Variants in RDH16 observed in about 807,000 individuals in gnomAD.
RDH16 encodes the protein retinol dehydrogenase 16, also known as human epidermal retinol dehydrogenase.
Under a neutral mutation model 22.3 loss-of-function variants are expected in RDH16, and 25 were observed. That is an observed-to-expected ratio of 1.12 (90% CI 0.82 to 1.56). The LOEUF (loss-of-function observed/expected upper bound fraction) is 1.56, where lower values mean the gene tolerates loss of function less well. Among genes scored for constraint, RDH16 ranks in the 40% most tolerant of loss-of-function variants. RDH16 has a pLI of 0.00. For missense variants in RDH16, 413 were observed against 394.9 expected, an observed-to-expected ratio of 1.05 and a Z score of -0.39; for synonymous variants, 154 against 164.4, an observed-to-expected ratio of 0.94 and a Z score of 0.48.
chr12:56,957,018 G>C (rs1258165968), intron 1 of RDH16, 132 bp downstream of exon 1: 2 of 919,030 alleles, frequency 2.2e-6, no homozygotes, highest in Non-Finnish European at 3.3e-6. Flanking sequence ...CCTGTTAAGT[G>C]AGAAATATTA....
Position 56,952,226 on chromosome 12 carries a change from T to C in RDH16, c.757A>G (p.Met253Val), listed in dbSNP as rs140730069. ...VADYKKSAEQ[M>V]EQKCTQDLSL... ...AGATCCTGTGTGCACTTCTGCTCCA[T>C]TTGTTCAGCTGATTTCTTATCTGTT... The change falls in exon 4 of 4, where the codon ATG becomes GTG. Residue 253 changes from methionine (M) to valine (V), a missense_variant. Transcript: ENST00000398138. The C allele has an allele frequency of 1.5e-3, 2,406 of 1,614,060 alleles. 8 individuals are homozygous for C. The highest frequency in any genetic ancestry group is 1.9e-3 in the Non-Finnish European group (2,195 of 1,179,952).
At chr12:56,953,165 C>T (rs947499015) in intron 2 of RDH16, among the ~76,000 whole-genome samples, 175 bp from the exon 3 acceptor site, 1 of 152,206 alleles carries the variant, frequency 6.6e-6, no homozygotes, top group Non-Finnish European at 1.5e-5. Context: ...GGCATTCCCT[C>T]TGTATGGAGT....
chr12:56,951,955 T>G lies in RDH16; in HGVS notation c.*74A>C. ...ACCGGACGGCTCCCTCCCTCCACTT[T>G]ATATCTCTCCCAAGGATACACCACC... On this transcript the variant is annotated 3_prime_UTR_variant, in exon 4 of 4. Coordinates refer to ENST00000398138, the MANE Select transcript of RDH16 (RefSeq NM_003708.5). 7.3e-7 allele frequency: 1 copy of G among 1,375,914 alleles called. No individual in the cohort carries two copies. Among genetic ancestry groups the G allele is most frequent in the Non-Finnish European group, 1.0e-6 (1 of 977,080 alleles). 85.2% of individuals were successfully genotyped at this position (1,375,914 alleles called of 1,614,324 possible).
rs1955882010 is a variant in RDH16, at chr12:56,951,874, T to C, written c.*155A>G. 1 of 636,612 alleles carries C rather than the reference T, an allele frequency of 1.6e-6. No homozygotes were observed. Among genetic ancestry groups the C allele is most frequent in the Non-Finnish European group, 2.8e-6 (1 of 362,018 alleles). 39.4% of individuals were successfully genotyped at this position (636,612 alleles called of 1,614,324 possible). On this transcript the variant is annotated 3_prime_UTR_variant, in exon 4 of 4. Transcript: ENST00000398138. ...AACATCTCCAGAGAGCAGAATTATC[T>C]CCCAGGAGAATCATGGCCAGGAGGT...
chr12:56,953,296 C>T (rs930125710), intron 2 of RDH16, among the ~76,000 whole-genome samples: 1 of 152,194 alleles, frequency 6.6e-6, no homozygotes, highest in Admixed American at 6.5e-5. Context: ...AGAATTCCCA[C>T]ATTTTGCCTC....
chr12:56,952,105 G>T lies in RDH16; in HGVS notation c.878C>A (p.Pro293His). The T allele has an allele frequency of 8.7e-6, 14 of 1,614,214 alleles. No homozygotes were observed. Among genetic ancestry groups the T allele is most frequent in the Non-Finnish European group, 1.0e-5 (12 of 1,180,052 alleles). ...AGWDAKLLYL[P>H]MSYMPTFLVD... is the part of the protein sequence containing the mutation. ...CAGGAAGGTGGGCATGTAGCTCATG[G>T]GGAGGTAGAGAAGCTTGGCATCCCA... Residue 293 changes from proline to histidine, a missense_variant, in exon 4 of 4, where the codon CCC becomes CAC. Coordinates refer to ENST00000398138, the MANE Select transcript of RDH16 (RefSeq NM_003708.5).
At chr12:56,954,122 C>A (rs1208044619) in intron 2 of RDH16, among the ~76,000 whole-genome samples, 5 of 152,186 alleles carry the variant, frequency 3.3e-5, no homozygotes, top group Non-Finnish European at 7.3e-5. Context: ...CATTTCTCTC[C>A]CTAGAGAGGA....
At chr12:56,954,739 T>C (rs575284581) in intron 2 of RDH16, among the ~76,000 whole-genome samples, 167 bp downstream of exon 2, 2 of 152,284 alleles carry the variant, frequency 1.3e-5, no homozygotes, top group African/African-American at 4.8e-5. Flanking sequence ...TCCCAGTGAA[T>C]GGCCAGCCCA....
At chr12:56,954,503 G>A (rs1592432006) in intron 2 of RDH16, among the ~76,000 whole-genome samples, 1 of 152,184 alleles carries the variant, frequency 6.6e-6, no homozygotes, top group South Asian at 2.1e-4. Context: ...GGGAAGAAGT[G>A]TTTAGGGTCC....
intron 1 of RDH16, among the ~76,000 whole-genome samples, chr12:56,956,783 C>G (rs938402491): frequency 4.6e-5 from 7 of 152,160 alleles, no homozygotes; most frequent in African/African-American, 1.7e-4. Flanking sequence ...AGCCTCCGTG[C>G]ACACTTGCAG....
chr12:56,956,928 T>G (rs1955933635), intron 1 of RDH16, among the ~76,000 whole-genome samples: 2 of 152,050 alleles, frequency 1.3e-5, no homozygotes, highest in South Asian at 2.1e-4. Flanking sequence ...GAAAATCTCA[T>G]CAGGGCAAAC....
chr12:56,955,282 A>T (rs552208658), intron 1 of RDH16, 118 bp from the exon 2 acceptor site: 2 of 1,254,348 alleles, frequency 1.6e-6, no homozygotes, highest in African/African-American at 3.0e-5. Flanking sequence ...TGGGATGGGG[A>T]GGAGGGTATA....
Position 56,952,126 on chromosome 12 carries a change from T to A in RDH16, c.857A>T (p.Asp286Val), listed in dbSNP as rs757278655. The change falls in exon 4 of 4, where the codon GAT becomes GTT. Residue 286 changes from aspartate (D) to valine (V), a missense_variant. Transcript: ENST00000398138. ...HPRTRYSAGWDAKLLYLPMSY... is the reference protein window; with the variant it reads ...HPRTRYSAGWVAKLLYLPMSY... Reference sequence around the variant, plus strand: ...CATGGGGAGGTAGAGAAGCTTGGCATCCCAGCCAGCTGAGTAGCGAGTACG... The same window carrying A: ...CATGGGGAGGTAGAGAAGCTTGGCAACCCAGCCAGCTGAGTAGCGAGTACG... 1 of 1,614,110 alleles carries A rather than the reference T, an allele frequency of 6.2e-7. No individual in the cohort carries two copies. The highest frequency in any genetic ancestry group is 1.1e-5 in the South Asian group (1 of 91,056).
intron 2 of RDH16, 38 bp downstream of exon 2, chr12:56,954,868 G>T: frequency 1.2e-6 from 2 of 1,609,312 alleles, no homozygotes; most frequent in Non-Finnish European, 8.5e-7. Flanking sequence ...AAGGACAGGA[G>T]CAGGAAGACT....
In RDH16 at chr12:56,957,281, A is replaced by T. The variant is rs775108212; in HGVS notation, c.182T>A (p.Leu61Gln). Reference protein sequence around the residue: ...ARGLRVLAACLTEKGAEQLRG... With the variant: ...ARGLRVLAACQTEKGAEQLRG... ...CAGCTGCTCGGCTCCTTTCTCCGTC[A>T]GACATGCAGCCAGCACCCGCAAGCC... The change falls in exon 1 of 4, where the codon CTG becomes CAG. Residue 61 changes from leucine (L) to glutamine (Q), a missense_variant. Leu to Gln is a moderately radical substitution (Grantham distance 113, BLOSUM62 -2). Coordinates refer to ENST00000398138, the MANE Select transcript of RDH16 (RefSeq NM_003708.5). 6.2e-7 allele frequency: 1 copy of T among 1,614,160 alleles called. No homozygotes were observed. The highest frequency in any genetic ancestry group is 1.1e-5 in the South Asian group (1 of 91,076).
At chr12:56,953,156 G>T in intron 2 of RDH16, among the ~76,000 whole-genome samples, 166 bp from the exon 3 acceptor site, 1 of 152,162 alleles carries the variant, frequency 6.6e-6, no homozygotes, top group East Asian at 1.9e-4. Flanking sequence ...TATCATGGTG[G>T]CATTCCCTCT....
intron 3 of RDH16, 37 bp downstream of exon 3, chr12:56,952,790 G>C (rs1955893837): frequency 6.3e-7 from 1 of 1,592,732 alleles, no homozygotes; most frequent in African/African-American, 1.3e-5. Context: ...TCCACACGAG[G>C]GTTTGCTTCT....
At chr12:56,953,323 C>T (rs1250705137) in intron 2 of RDH16, among the ~76,000 whole-genome samples, 1 of 152,174 alleles carries the variant, frequency 6.6e-6, no homozygotes, top group Non-Finnish European at 1.5e-5. Flanking sequence ...AGTCCTCAGT[C>T]CCCTCCCTCG....
At chr12:56,954,706 C>T (rs545421701) in intron 2 of RDH16, among the ~76,000 whole-genome samples, 200 bp downstream of exon 2, 7 of 152,190 alleles carry the variant, frequency 4.6e-5, no homozygotes, top group African/African-American at 9.7e-5. Flanking sequence ...CCCCTCCTGT[C>T]GCCCAGCACT....
Sources: allele counts gnomAD v4.1 joint callset (sites outside exome capture counted in the v4.1 genomes callset), GRCh38; gene constraint gnomAD v4.1.1; transcripts MANE v1.5; gene names NCBI Gene and HGNC (gene_info 2026-07-23, HGNC 2026-07-21).